TCP10L: variants seen among roughly 807,000 people sequenced by gnomAD.
TCP10L encodes T-complex protein 10A homolog 1.
TCP10L carries 11 observed loss-of-function variants against 19.2 expected under a neutral mutation model. The ratio of observed to expected loss-of-function variants is 0.57; its 90% CI spans 0.36 to 0.95. TCP10L has a LOEUF of 0.95. TCP10L is among the 40% of genes least tolerant of loss of function. The pLI is 0.01. For missense variants in TCP10L, 247 were observed against 263.9 expected, an observed-to-expected ratio of 0.94 and a Z score of 0.44; for synonymous variants, 96 against 97.2, an observed-to-expected ratio of 0.99 and a Z score of 0.07.
At chr21:32,585,205 T>C (rs142940398) in intron 1 of TCP10L, among the ~76,000 whole-genome samples, 18 of 152,338 alleles carry the variant, frequency 1.2e-4, no homozygotes, top group African/African-American at 4.3e-4. Context: ...GAGCAAGACC[T>C]ACCAGTAACC....
chr21:32,574,584 C>G lies in TCP10L; in HGVS notation c.*2190G>C, dbSNP rs1411560234. On this transcript the variant is annotated 3_prime_UTR_variant, in exon 5 of 5. Coordinates refer to ENST00000300258, the MANE Select transcript of TCP10L (RefSeq NM_144659.7). The stretch of plus-strand genomic sequence containing the variant: ...CCACTCAGCCCACCTACCTGCAGCT[C>G]TGCAATGTTTGGGGAAGAAGCAGTG... 5.8e-6 allele frequency: 1 copy of G among 171,766 alleles called. No homozygotes were observed. Among genetic ancestry groups the G allele is most frequent in the Non-Finnish European group, 1.4e-5 (1 of 69,828 alleles). The allele number at this position is 171,766 out of a possible 1,614,324, so 10.6% of individuals were successfully genotyped here. A position where few individuals can be genotyped will look rare whatever the true frequency, so the allele number is the denominator to read the frequency against.
chr21:32,579,501 C>T (rs2038469022), intron 3 of TCP10L, among the ~76,000 whole-genome samples: 1 of 152,212 alleles, frequency 6.6e-6, no homozygotes, highest in Non-Finnish European at 1.5e-5. Context: ...CACACAGATA[C>T]ACCTTCGCAT....
rs1489175744 is a variant in TCP10L at position 32,580,481 on chromosome 21, T to A, written c.361-1650A>T. 2.9e-5 allele frequency among the ~76,000 whole-genome samples: 4 copies of A among 138,364 alleles called. No individual in the cohort carries two copies. In the South Asian group the frequency reaches 6.6e-4, roughly 23 times the overall value. The allele number at this position is 138,364 out of a possible 152,430, so 90.8% of individuals were successfully genotyped here. ...GGAATGTATTCGGTGGGTGCCTGTGTGTGTGTGTGTGTGTGTGTGTGTGTG... is the reference window on the plus strand; with the variant it reads ...GGAATGTATTCGGTGGGTGCCTGTGAGTGTGTGTGTGTGTGTGTGTGTGTG... On this transcript the variant is annotated intron_variant, in intron 3 of 4. Coordinates refer to ENST00000300258, the MANE Select transcript of TCP10L (RefSeq NM_144659.7).
chr21:32,573,777 C>T lies in TCP10L; in HGVS notation c.*2997G>A, dbSNP rs1183852432. On this transcript the variant is annotated 3_prime_UTR_variant, in exon 5 of 5. Coordinates refer to ENST00000300258, the MANE Select transcript of TCP10L (RefSeq NM_144659.7). ...GTTATCTCCCACTTATATGTTTGCTCTGGGGTCAGGGTGGCCACAGTGACA... is the reference window on the plus strand; with the variant it reads ...GTTATCTCCCACTTATATGTTTGCTTTGGGGTCAGGGTGGCCACAGTGACA... 6.6e-6 allele frequency among the ~76,000 whole-genome samples: 1 copy of T among 152,150 alleles called. No homozygotes were observed. Among genetic ancestry groups the T allele is most frequent in the Non-Finnish European group, 1.5e-5 (1 of 68,032 alleles).
Position 32,582,391 on chromosome 21 carries a change from G to A in TCP10L, c.169C>T (p.Leu57Phe), listed in dbSNP as rs752732934. Residue 57 changes from leucine (L) to phenylalanine (F), a missense_variant, in exon 3 of 5, where the codon CTC becomes TTC. Physicochemically the swap from Leu to Phe is conservative, Grantham distance 22. Transcript: ENST00000300258. This position sits in a 1 kb window ranked among gnomAD's most constrained non-coding sequence, Gnocchi z 4.2. ...MPPLQQQIIR[L>F]HQELGRQKSL... ...TTCTGTCTCCCAAGCTCTTGGTGGA[G>A]TCTGATGATCTGCTGCTGTAATGGC... is the stretch of plus-strand genomic sequence containing the variant. The A allele has an allele frequency of 4.3e-6, 7 of 1,613,440 alleles. No homozygotes were observed. In the East Asian group the frequency reaches 1.6e-4, roughly 36 times the overall value.
chr21:32,579,292 G>A (rs1217145716), intron 3 of TCP10L, among the ~76,000 whole-genome samples: 1 of 152,216 alleles, frequency 6.6e-6, no homozygotes, highest in Admixed American at 6.5e-5. Context: ...CAGGTGGGAT[G>A]AGGTATATTA....
chr21:32,580,888 C>T lies in TCP10L; in HGVS notation c.360+1312G>A, dbSNP rs114811713. Among the ~76,000 whole-genome samples the T allele has an allele frequency of 8.5e-3, 1,293 of 152,276 alleles. 20 individuals are homozygous for T. The highest frequency in any genetic ancestry group is 0.03 in the African/African-American group (1,230 of 41,540). ...CTTCAGCATGAGAATGCTGGTTCTT[C>T]GTTCGGGATAGAGCAGGTTAGTGAT... is the stretch of plus-strand genomic sequence containing the variant. On this transcript the variant is annotated intron_variant, in intron 3 of 4. Coordinates refer to ENST00000300258, the MANE Select transcript of TCP10L (RefSeq NM_144659.7).
At chr21:32,584,104 C>T in intron 2 of TCP10L, 57 bp downstream of exon 2, 4 of 1,551,424 alleles carry the variant, frequency 2.6e-6, no homozygotes, top group South Asian at 2.4e-5. Context: ...GCCTCAGGGA[C>T]AGGAATCAGG....
At chr21:32,581,610 G>C (rs1349033267) in intron 3 of TCP10L, among the ~76,000 whole-genome samples, 1 of 152,156 alleles carries the variant, frequency 6.6e-6, no homozygotes, top group Admixed American at 6.5e-5. Flanking sequence ...GGTTTGAGCA[G>C]TGGGGAACCA....
In TCP10L at chr21:32,576,230, C is replaced by A. The variant is rs1028294703; in HGVS notation, c.*544G>T. ...TGCTCACCAGCTCCTCCGGCTGCTGCCATCTGCTCCTGCAGCATGGCGGCC... is the reference window on the plus strand; with the variant it reads ...TGCTCACCAGCTCCTCCGGCTGCTGACATCTGCTCCTGCAGCATGGCGGCC... On this transcript the variant is annotated 3_prime_UTR_variant, in exon 5 of 5. Transcript: ENST00000300258. 2 of 1,535,338 alleles carry A rather than the reference C, an allele frequency of 1.3e-6. No individual in the cohort carries two copies. The highest frequency in any genetic ancestry group is 1.8e-6 in the Non-Finnish European group (2 of 1,121,814).
chr21:32,584,968 G>A lies in TCP10L; in HGVS notation c.-2+453C>T, dbSNP rs191918349. Among the ~76,000 whole-genome samples, 16 of 152,252 alleles carry A rather than the reference G, an allele frequency of 1.1e-4. No homozygotes were observed. In the East Asian group the frequency reaches 2.5e-3, roughly 24 times the overall value. On this transcript the variant is annotated intron_variant, in intron 1 of 4. Coordinates refer to ENST00000300258, the MANE Select transcript of TCP10L (RefSeq NM_144659.7). ...TTCACAGCAATTAGAGAACAAAAAC[G>A]AAAGAGAAAAACGCAAAGCTTTCCT...
chr21:32,584,682 G>A (rs935839081), intron 1 of TCP10L, among the ~76,000 whole-genome samples: 4 of 152,092 alleles, frequency 2.6e-5, no homozygotes, highest in African/African-American at 9.7e-5. Flanking sequence ...GTGAGCGGAT[G>A]TGAGCACGAT....
Position 32,578,869 on chromosome 21 carries a change from G to A in TCP10L, c.361-38C>T, listed in dbSNP as rs933352521. ...ATGCAGGGAAATTCTTCACATTTTC[G>A]AAGGTAAAATAAATTCAAATTTTAA... On this transcript the variant is annotated intron_variant, in intron 3 of 4. Coordinates refer to ENST00000300258, the MANE Select transcript of TCP10L (RefSeq NM_144659.7). The surrounding 1 kb of genome is among the most constrained non-coding windows in gnomAD (Gnocchi z 4.2). 31 of 1,613,184 alleles carry A rather than the reference G, an allele frequency of 1.9e-5. No homozygotes were observed. Among genetic ancestry groups the A allele is most frequent in the African/African-American group, 5.3e-5 (4 of 74,828 alleles).
chr21:32,581,794 C>T (rs1475438213), intron 3 of TCP10L, among the ~76,000 whole-genome samples: 2 of 152,230 alleles, frequency 1.3e-5, no homozygotes, highest in African/African-American at 4.8e-5. Context: ...GCTCTACGTT[C>T]TCCAGCCCGT....
chr21:32,578,111 C>T lies in TCP10L; in HGVS notation c.498+583G>A, dbSNP rs1027394270. Among the ~76,000 whole-genome samples, 4 of 152,248 alleles carry T rather than the reference C, an allele frequency of 2.6e-5. No homozygotes were observed. Among genetic ancestry groups the T allele is most frequent in the Non-Finnish European group, 4.4e-5 (3 of 68,052 alleles). Reference sequence around the variant, plus strand: ...ATTCTGGTAAACCCACAACCTTCAGCGTGGGCATCATGGCCATCACGAACA... The same window carrying T: ...ATTCTGGTAAACCCACAACCTTCAGTGTGGGCATCATGGCCATCACGAACA... On this transcript the variant is annotated intron_variant, in intron 4 of 4. Coordinates refer to ENST00000300258, the MANE Select transcript of TCP10L (RefSeq NM_144659.7). This position sits in a 1 kb window ranked among gnomAD's most constrained non-coding sequence, Gnocchi z 4.2.
Position 32,575,957 on chromosome 21 carries a change from G to A in TCP10L, c.*817C>T, listed in dbSNP as rs1017950076. On this transcript the variant is annotated 3_prime_UTR_variant, in exon 5 of 5. Coordinates refer to ENST00000300258, the MANE Select transcript of TCP10L (RefSeq NM_144659.7). The stretch of plus-strand genomic sequence containing the variant: ...GGAGTGTGCTCAGAGGGAAGTGACC[G>A]CTAGGATTCGGAATCTCCAGTCACG... 8 of 228,586 alleles carry A rather than the reference G, an allele frequency of 3.5e-5. No individual in the cohort carries two copies. The highest frequency in any genetic ancestry group is 6.1e-5 in the Non-Finnish European group (7 of 114,996). The allele number at this position is 228,586 out of a possible 1,614,324, so 14.2% of individuals were successfully genotyped here.
At chr21:32,584,022 A>G (rs2038529232) in intron 2 of TCP10L, 139 bp downstream of exon 2, 2 of 1,147,052 alleles carry the variant, frequency 1.7e-6, no homozygotes, top group African/African-American at 1.6e-5. Flanking sequence ...CCCCTTGGAG[A>G]GGAAGTACAG....
rs1293580128 is a variant in TCP10L, at chr21:32,584,581, T to TCATC, written c.-1-280_-1-277dup. On this transcript the variant is annotated intron_variant, in intron 1 of 4. Coordinates refer to ENST00000300258, the MANE Select transcript of TCP10L (RefSeq NM_144659.7). ...CAGCCTGACACCTAACACACTCCAG[T>TCATC]CATCCAAAGAGGGGTGTGAGTGGGG... 9.2e-5 allele frequency among the ~76,000 whole-genome samples: 14 copies of TCATC among 152,206 alleles called. No homozygotes were observed. In the East Asian group the frequency reaches 1.4e-3, roughly 15 times the overall value.
At chr21:32,581,049 G>T (rs8132796) in intron 3 of TCP10L, among the ~76,000 whole-genome samples, 8 of 152,186 alleles carry the variant, frequency 5.3e-5, no homozygotes, top group African/African-American at 1.7e-4. Context: ...GACCACCGTG[G>T]CCTGCCACAC....
Sources: gnomAD v4.1 joint callset for allele counts (sites outside exome capture counted in the v4.1 genomes callset) on GRCh38, gnomAD v4.1.1 for gene constraint, Gnocchi (gnomAD v3.1) non-coding constraint, MANE v1.5 for transcripts, NCBI Gene and HGNC (gene_info 2026-07-23, HGNC 2026-07-21) for gene names.